The following LARP1B variants were observed in gnomAD, a reference collection of about 807,000 sequenced individuals.
LARP1B encodes la-related protein 1B.
Under a neutral mutation model 114.2 loss-of-function variants are expected in LARP1B, and 76 were observed. That is an observed-to-expected ratio of 0.67 (90% confidence interval 0.55 to 0.81). LARP1B has a LOEUF of 0.81. Ranked by LOEUF, LARP1B falls within the 30% of genes least tolerant of loss-of-function variation. The pLI, the probability that LARP1B is intolerant of heterozygous loss-of-function variation, is 0.00. For synonymous variants in LARP1B, 345 were observed against 348.0 expected, an observed-to-expected ratio of 0.99 and a Z score of 0.10; for missense variants, 1,014 against 1,075.8, an observed-to-expected ratio of 0.94 and a Z score of 0.80.
intron 7 of LARP1B, chr4:128,222,199 A>C: frequency 2.5e-6 from 1 of 399,434 alleles, no homozygotes; most frequent in Admixed American, 2.6e-5. Flanking sequence ...GAAGTAGTAG[A>C]GTTGCTTAGA....
At chr4:128,091,232 TTGTC>T (rs1357995121) in intron 6 of LARP1B, 88 bp downstream of exon 6, 34 of 1,543,128 alleles carry the variant, frequency 2.2e-5, no homozygotes, top group Middle Eastern at 2.2e-4. Context: ...CTAATTTTCT[TTGTC>T]TGATAATAGA....
intron 8 of LARP1B, among the ~76,000 whole-genome samples, chr4:128,101,835 C>T (rs1780442419): frequency 6.6e-6 from 1 of 152,140 alleles, no homozygotes. Flanking sequence ...CTGTAGCCAA[C>T]TCAGCTGCCG....
intron 12 of LARP1B, among the ~76,000 whole-genome samples, chr4:128,174,191 CT>C (rs1744965241): frequency 2.0e-5 from 3 of 151,884 alleles, no homozygotes. Context: ...CTAGTTTTGG[CT>C]ATTATGAAAA....
rs533761333 is a variant in LARP1B at position 128,109,803 on chromosome 4, T to C, written c.988+2490T>C. On this transcript the variant is annotated intron_variant, in intron 9 of 19. Transcript: ENST00000326639. ...TATATAATCCTTTTTTCAGGAAACC[T>C]TTTTAATTACCCAGAACTGTGATCC... is the stretch of plus-strand genomic sequence containing the variant. Among the ~76,000 whole-genome samples, 6 of 152,128 alleles carry C rather than the reference T, an allele frequency of 3.9e-5. 1 individual carries two copies. In the South Asian group the frequency reaches 1.2e-3, roughly 32 times the overall value.
chr4:128,130,664 CA>C (rs760763569), intron 11 of LARP1B, among the ~76,000 whole-genome samples: 2 of 152,164 alleles, frequency 1.3e-5, no homozygotes, highest in Non-Finnish European at 2.9e-5. Context: ...AAACTCTTAC[CA>C]AAGGATCTAG....
At chr4:128,128,034 T>C (rs1790220020) in intron 11 of LARP1B, among the ~76,000 whole-genome samples, 1 of 152,214 alleles carries the variant, frequency 6.6e-6, no homozygotes, top group African/African-American at 2.4e-5. Flanking sequence ...ATGGAAAGAA[T>C]AGTTGTTTCA....
chr4:128,131,195 C>A (rs893714041), intron 11 of LARP1B, among the ~76,000 whole-genome samples: 5 of 152,112 alleles, frequency 3.3e-5, no homozygotes, highest in African/African-American at 1.2e-4. Flanking sequence ...ACTAATGTAT[C>A]ACTCTAGTGC....
At position 128,198,568 on chromosome 4, in the gene LARP1B, A is replaced by G. The variant is rs560089935; in HGVS notation, c.2004-871A>G. The stretch of plus-strand genomic sequence containing the variant: ...CACTGCCTCAATTCACATCAGTTTT[A>G]CACACCATTGCTTTTGTACCATCAG... On this transcript the variant is annotated intron_variant, in intron 15 of 19. Coordinates refer to ENST00000326639, the MANE Select transcript of LARP1B (RefSeq NM_018078.4). Among the ~76,000 whole-genome samples the G allele has an allele frequency of 2.1e-4, 32 of 152,382 alleles. No individual in the cohort carries two copies. The South Asian group carries it at 4.1e-3, about 20-fold the overall frequency.
At chr4:128,143,796 G>GGTGTGTGT (rs72408437) in intron 11 of LARP1B, among the ~76,000 whole-genome samples, 22 of 147,926 alleles carry the variant, frequency 1.5e-4, no homozygotes, top group African/African-American at 2.7e-4. Context: ...TAAGGCACAG[G>GGTGTGTGT]GTGTGTGTGT....
chr4:128,116,746 T>A (rs1023212420), intron 10 of LARP1B, among the ~76,000 whole-genome samples: 4 of 152,286 alleles, frequency 2.6e-5, no homozygotes, highest in African/African-American at 7.2e-5. Context: ...AATATACTTT[T>A]AAAAAAGTGA....
At chr4:128,068,847 C>T (rs772093120) in intron 1 of LARP1B, among the ~76,000 whole-genome samples, 1 of 152,292 alleles carries the variant, frequency 6.6e-6, no homozygotes, top group East Asian at 1.9e-4. Context: ...GGAAGATACA[C>T]CATCACTTAT....
intron 11 of LARP1B, among the ~76,000 whole-genome samples, chr4:128,126,750 T>TG (rs1789757050): frequency 6.6e-6 from 1 of 151,988 alleles, no homozygotes; most frequent in Non-Finnish European, 1.5e-5. Context: ...TTGGTAAGTT[T>TG]TAATCAAGTT....
chr4:128,126,733 C>T (rs1416125298), intron 11 of LARP1B, among the ~76,000 whole-genome samples: 1 of 150,326 alleles, frequency 6.7e-6, no homozygotes, highest in Non-Finnish European at 1.5e-5. Flanking sequence ...ACAGTCTTTG[C>T]TATTGGTTGG....
chr4:128,085,203 A>G (rs1474831808), intron 5 of LARP1B, among the ~76,000 whole-genome samples: 1 of 151,980 alleles, frequency 6.6e-6, no homozygotes, highest in African/African-American at 2.4e-5. Flanking sequence ...GAGGTAGTGT[A>G]CTCTAGACTT....
At chr4:128,106,002 A>G (rs1781936857) in intron 8 of LARP1B, among the ~76,000 whole-genome samples, 1 of 152,076 alleles carries the variant, frequency 6.6e-6, no homozygotes, top group East Asian at 1.9e-4. Flanking sequence ...TTTTTTCAAA[A>G]TCTGTTCATT....
intron 11 of LARP1B, chr4:128,156,038 C>T: frequency 6.3e-7 from 1 of 1,580,484 alleles, no homozygotes; most frequent in South Asian, 1.2e-5. Context: ...GCACTGCACA[C>T]CCCCAAGCTC....
chr4:128,065,956 C>T (rs1762624987), intron 1 of LARP1B, among the ~76,000 whole-genome samples: 1 of 151,906 alleles, frequency 6.6e-6, no homozygotes, highest in Non-Finnish European at 1.5e-5. Context: ...GTTGGGATGA[C>T]AGGCACGCAT....
chr4:128,097,985 T>A (rs911648201), intron 7 of LARP1B, among the ~76,000 whole-genome samples: 1 of 151,240 alleles, frequency 6.6e-6, no homozygotes, highest in Non-Finnish European at 1.5e-5. Flanking sequence ...ATATTTTAAG[T>A]TTAAGAGAAA....
At chr4:128,137,858 G>A (rs1726157060) in intron 11 of LARP1B, among the ~76,000 whole-genome samples, 4 of 150,800 alleles carry the variant, frequency 2.7e-5, no homozygotes, top group African/African-American at 7.3e-5. Context: ...CAGTGGCATG[G>A]ATCTCAGCTC....
Sources: allele counts gnomAD v4.1 joint callset (sites outside exome capture counted in the v4.1 genomes callset), GRCh38; gene constraint gnomAD v4.1.1; transcripts MANE v1.5; gene names NCBI Gene and HGNC (gene_info 2026-07-23, HGNC 2026-07-21).